Variants in PCDH15 observed in about 807,000 individuals in gnomAD.
PCDH15 encodes the protein protocadherin-15.
A neutral mutation model predicts 178.5 loss-of-function variants in PCDH15; 129 were observed. The observed-to-expected ratio is 0.72, with a 90% confidence interval of 0.63 to 0.84. The LOEUF is 0.84. Among genes scored for constraint, PCDH15 ranks in the 40% least tolerant of loss-of-function variants. PCDH15 has a pLI of 0.00. For synonymous variants in PCDH15, 800 were observed against 732.0 expected (o/e 1.09, Z -1.50); for missense variants, 2,230 against 2,099.9 (o/e 1.06, Z -1.21).
At chr10:53,887,714 C>A (rs1353875669) in intron 26 of PCDH15, among the ~76,000 whole-genome samples, 1 of 152,044 alleles carries the variant, frequency 6.6e-6, no homozygotes, top group Non-Finnish European at 1.5e-5. Flanking sequence ...CGGGTGAAAC[C>A]CCGTCTCTAC....
chr10:53,893,834 A>T (rs2610825), intron 26 of PCDH15, among the ~76,000 whole-genome samples: 114,157 of 152,048 alleles, frequency 0.75, 43,359 homozygotes, highest in East Asian at 1. Context: ...AGACTACACA[A>T]TGGGTACAGT....
At chr10:54,043,807 C>G (rs1409597765) in intron 18 of PCDH15, among the ~76,000 whole-genome samples, 1 of 152,096 alleles carries the variant, frequency 6.6e-6, no homozygotes, top group Non-Finnish European at 1.5e-5. Flanking sequence ...AAAAAACATA[C>G]TGATTCTCTG....
intron 2 of PCDH15, among the ~76,000 whole-genome samples, chr10:54,985,498 A>G (rs556054920): frequency 3.9e-5 from 6 of 152,206 alleles, no homozygotes; most frequent in Non-Finnish European, 7.3e-5. Context: ...AATGAACATC[A>G]TAACTTAGCC....
chr10:55,293,132 C>T (rs1843048872), intron 1 of PCDH15, among the ~76,000 whole-genome samples: 1 of 152,110 alleles, frequency 6.6e-6, no homozygotes, highest in Non-Finnish European at 1.5e-5. Flanking sequence ...TTCTTTGCAC[C>T]CACTGGCTCC....
rs73251847 is a variant in PCDH15, at chr10:54,422,633, A to C, written c.158-43691T>G. Among the ~76,000 whole-genome samples, 1,020 of 152,258 alleles carry C rather than the reference A, an allele frequency of 6.7e-3. 14 individuals carry two copies. The highest frequency in any genetic ancestry group is 0.023 in the African/African-American group (960 of 41,546). On this transcript the variant is annotated intron_variant, in intron 3 of 37. Coordinates refer to ENST00000644397, the MANE Select transcript of PCDH15 (RefSeq NM_001384140.1). ...CTCCTCTCCAAGTTTTGACAATTGCAAAGGCTTCCAGACATTGACAAATAT... is the reference window on the plus strand; with the variant it reads ...CTCCTCTCCAAGTTTTGACAATTGCCAAGGCTTCCAGACATTGACAAATAT...
At chr10:54,034,703 C>T (rs1359274179) in intron 18 of PCDH15, among the ~76,000 whole-genome samples, 1 of 151,858 alleles carries the variant, frequency 6.6e-6, no homozygotes, top group African/African-American at 2.4e-5. Context: ...TGTGTCCTTC[C>T]TTTTCCAGCT....
chr10:54,570,913 G>C (rs963835409), intron 2 of PCDH15, among the ~76,000 whole-genome samples: 36 of 149,998 alleles, frequency 2.4e-4, no homozygotes, highest in Non-Finnish European at 8.9e-5. Context: ...CGATTCACCT[G>C]CCTCCGCCTC....
At chr10:54,553,576 C>G (rs950097990) in intron 2 of PCDH15, among the ~76,000 whole-genome samples, 7 of 152,132 alleles carry the variant, frequency 4.6e-5, no homozygotes, top group Admixed American at 1.3e-4. Flanking sequence ...AATGGCCAGA[C>G]ATGGATCCTG....
chr10:55,256,862 C>G (rs1842013445), intron 1 of PCDH15, among the ~76,000 whole-genome samples: 1 of 152,180 alleles, frequency 6.6e-6, no homozygotes, highest in South Asian at 2.1e-4. Context: ...TGTCTGACAG[C>G]TTTGAAGAGA....
chr10:54,813,434 T>C (rs1261978447), intron 3 of PCDH15, among the ~76,000 whole-genome samples: 3 of 152,210 alleles, frequency 2.0e-5, no homozygotes, highest in Non-Finnish European at 4.4e-5. Flanking sequence ...AGTGTACTTG[T>C]GGTCTAGCAT....
intron 2 of PCDH15, among the ~76,000 whole-genome samples, chr10:55,336,622 T>C (rs561207420): frequency 4.5e-4 from 69 of 152,346 alleles, no homozygotes; most frequent in Middle Eastern, 3.4e-3. Flanking sequence ...TCCTTATTTC[T>C]GAAGACACTG....
chr10:54,315,930 T>TG (rs1445556262), intron 8 of PCDH15, among the ~76,000 whole-genome samples: 1 of 105,828 alleles, frequency 9.4e-6, no homozygotes, highest in Non-Finnish European at 2.2e-5. Flanking sequence ...ATAGTTTGTG[T>TG]GTTTTTTTTG....
intron 5 of PCDH15, among the ~76,000 whole-genome samples, chr10:54,352,309 G>T (rs920055482): frequency 2.0e-5 from 3 of 152,060 alleles, no homozygotes; most frequent in African/African-American, 7.2e-5. Flanking sequence ...TTATGTAATA[G>T]ACACAACTTA....
At chr10:54,579,941 A>G (rs2090885587) in intron 2 of PCDH15, among the ~76,000 whole-genome samples, 1 of 152,038 alleles carries the variant, frequency 6.6e-6, no homozygotes, top group Non-Finnish European at 1.5e-5. Flanking sequence ...GACACACAAC[A>G]TTTCAAAATC....
rs754372893 is a variant in PCDH15, at chr10:54,791,645, A to T, written c.-29+9280T>A. Among the ~76,000 whole-genome samples, 3 of 151,934 alleles carry T rather than the reference A, an allele frequency of 2.0e-5. 1 individual carries two copies. The highest frequency in any genetic ancestry group is 4.4e-5 in the Non-Finnish European group (3 of 67,902). On this transcript the variant is annotated intron_variant, in intron 1 of 37. Transcript: ENST00000644397. ...AAGCTCATGCTAATCTTCCCATCTCAGTGACAATTTTAAAAATCCTGAAGT... is the reference window on the plus strand; with the variant it reads ...AAGCTCATGCTAATCTTCCCATCTCTGTGACAATTTTAAAAATCCTGAAGT...
At chr10:54,378,743 A>C in intron 4 of PCDH15, 39 bp downstream of exon 4, 1 of 1,594,634 alleles carries the variant, frequency 6.3e-7, no homozygotes, top group East Asian at 2.2e-5. Context: ...AAATTATAAT[A>C]AACTTATATT....
chr10:55,271,934 A>T (rs1414593956), intron 1 of PCDH15, among the ~76,000 whole-genome samples: 2 of 152,148 alleles, frequency 1.3e-5, no homozygotes, highest in Non-Finnish European at 2.9e-5. Flanking sequence ...ATGGATAAAA[A>T]CCTACCATTT....
At chr10:55,316,286 A>G (rs16907246) in intron 1 of PCDH15, among the ~76,000 whole-genome samples, 3 of 152,132 alleles carry the variant, frequency 2.0e-5, no homozygotes, top group African/African-American at 7.2e-5. Context: ...ACAGCTTGAC[A>G]AGACATGAAC....
At position 54,272,037 on chromosome 10, in the gene PCDH15, TTA is replaced by T. The variant is rs35119108; in HGVS notation, c.877-35108_877-35107del. Among the ~76,000 whole-genome samples, 149 of 145,822 alleles carry T rather than the reference TTA, an allele frequency of 1.0e-3. 1 individual carries two copies. The South Asian group carries it at 0.018, about 17-fold the overall frequency. On this transcript the variant is annotated intron_variant, in intron 8 of 37. Transcript: ENST00000644397. ...ATATATATATTTTATATATAATATA[TTA>T]TATATATATATAAAACATTTGCTAC...
Sources: allele counts gnomAD v4.1 joint callset (sites outside exome capture counted in the v4.1 genomes callset), GRCh38; gene constraint gnomAD v4.1.1; transcripts MANE v1.5; gene names NCBI Gene and HGNC (gene_info 2026-07-23, HGNC 2026-07-21).